The following HSD17B12 variants were observed in gnomAD, a reference collection of about 807,000 sequenced individuals.
The protein encoded by HSD17B12 is very-long-chain 3-oxoacyl-CoA reductase.
Under a neutral mutation model 39.3 loss-of-function variants are expected in HSD17B12, and 32 were observed. That is an observed-to-expected ratio of 0.81 (90% CI 0.61 to 1.09). The LOEUF (loss-of-function observed/expected upper bound fraction) is 1.09. Ranked by LOEUF, HSD17B12 falls within the 50% of genes least tolerant of loss-of-function variation. The pLI is 0.00. For synonymous variants in HSD17B12, 150 were observed against 146.7 expected (o/e 1.02, Z -0.16); for missense variants, 342 against 382.9 (o/e 0.89, Z 0.89).
the HSD17B12 span, among the ~76,000 whole-genome samples, chr11:43,578,444 C>T: frequency 6.6e-6 from 1 of 152,168 alleles, no homozygotes; most frequent in Non-Finnish European, 1.5e-5. Flanking sequence ...CTGACTGAGA[C>T]TGAATATTCA....
chr11:43,821,124 C>T (rs538403575), intron 6 of HSD17B12, among the ~76,000 whole-genome samples: 1 of 152,258 alleles, frequency 6.6e-6, no homozygotes, highest in East Asian at 1.9e-4. Context: ...ATAAGCAGTT[C>T]TTCCAGGCCA....
At chr11:43,838,830 T>C (rs1951396315) in intron 8 of HSD17B12, among the ~76,000 whole-genome samples, 1 of 152,164 alleles carries the variant, frequency 6.6e-6, no homozygotes, top group Non-Finnish European at 1.5e-5. Context: ...TGTGTAAATG[T>C]ACATAGCAGG....
At chr11:43,572,800 C>T in the HSD17B12 span, among the ~76,000 whole-genome samples, 1 of 152,176 alleles carries the variant, frequency 6.6e-6, no homozygotes, top group African/African-American at 2.4e-5. Flanking sequence ...TCCCTCTTTT[C>T]CTTAGGCCAA....
At chr11:43,610,480 T>TA in the HSD17B12 span, among the ~76,000 whole-genome samples, 60 of 152,250 alleles carry the variant, frequency 3.9e-4, no homozygotes, top group Non-Finnish European at 6.9e-4. Flanking sequence ...GGAGTCAAGG[T>TA]ACTTAGAAGG....
the HSD17B12 span, among the ~76,000 whole-genome samples, chr11:43,575,991 T>C: frequency 6.6e-6 from 1 of 152,088 alleles, no homozygotes; most frequent in Non-Finnish European, 1.5e-5. The surrounding 1 kb of genome is among the most constrained non-coding windows in gnomAD (Gnocchi z 4.1). Context: ...GGAATCTCCA[T>C]CGTGGATAGC....
chr11:43,848,793 C>T lies in HSD17B12; in HGVS notation c.685-5922C>T, dbSNP rs563690392. Among the ~76,000 whole-genome samples, 10 of 152,184 alleles carry T rather than the reference C, an allele frequency of 6.6e-5. 1 individual carries two copies. The South Asian group carries it at 2.1e-3, about 32-fold the overall frequency. The stretch of plus-strand genomic sequence containing the variant: ...TTTTTTTTTCCTGTTACCCTACCAC[C>T]TCTATTTTCACATCCCAAACTTAAT... On this transcript the variant is annotated intron_variant, in intron 9 of 10. Transcript: ENST00000278353.
intron 1 of HSD17B12, among the ~76,000 whole-genome samples, chr11:43,696,870 A>G (rs1949916685): frequency 6.6e-6 from 1 of 152,170 alleles, no homozygotes; most frequent in African/African-American, 2.4e-5. Flanking sequence ...AGGGACATGG[A>G]TGAAACTGGA....
At chr11:43,677,470 C>G (rs184721484), upstream of HSD17B12, among the ~76,000 whole-genome samples, 399 of 152,204 alleles carry the variant, frequency 2.6e-3, 1 homozygote, top group African/African-American at 9.3e-3. Context: ...ACTTTAAGTT[C>G]TAGGGTACAT....
At chr11:43,645,318 A>G in the HSD17B12 span, 1 of 152,182 alleles carries the variant, frequency 6.6e-6, no homozygotes, top group Non-Finnish European at 1.5e-5. Context: ...CCTTATTTCC[A>G]TGGTATTGTC....
At chr11:43,761,210 T>C (rs1222332254) in intron 3 of HSD17B12, among the ~76,000 whole-genome samples, 6 of 152,238 alleles carry the variant, frequency 3.9e-5, no homozygotes, top group Non-Finnish European at 5.9e-5. Context: ...TCTGTTATGG[T>C]CATGGTTACA....
the HSD17B12 span, among the ~76,000 whole-genome samples, chr11:43,651,697 C>T: frequency 2.0e-5 from 3 of 152,288 alleles, no homozygotes; most frequent in African/African-American, 4.8e-5. Flanking sequence ...TCCTGTGCTT[C>T]GGCCTCCCCA....
chr11:43,828,141 C>CTTT (rs551697407), intron 6 of HSD17B12, among the ~76,000 whole-genome samples: 18 of 131,254 alleles, frequency 1.4e-4, no homozygotes, highest in East Asian at 2.2e-4. Flanking sequence ...TTGTCTACTT[C>CTTT]TTTTTTTTTT....
chr11:43,583,688 G>A, the HSD17B12 span, among the ~76,000 whole-genome samples: 7 of 151,738 alleles, frequency 4.6e-5, no homozygotes, highest in Non-Finnish European at 8.8e-5. Context: ...AGTGGGGGGG[G>A]GTGCCTCTAT....
chr11:43,704,578 T>A (rs1045197781), intron 1 of HSD17B12, among the ~76,000 whole-genome samples: 13 of 152,214 alleles, frequency 8.5e-5, no homozygotes, highest in East Asian at 3.8e-4. Flanking sequence ...TACTGTGTAA[T>A]CATATGCTTC....
intron 6 of HSD17B12, among the ~76,000 whole-genome samples, chr11:43,826,889 G>A (rs72894465): frequency 5.3e-5 from 8 of 152,184 alleles, no homozygotes; most frequent in Admixed American, 3.3e-4. Flanking sequence ...ACCAGGCATT[G>A]TGTAACACTG....
chr11:43,640,648 T>C, the HSD17B12 span, among the ~76,000 whole-genome samples: 87 of 152,138 alleles, frequency 5.7e-4, no homozygotes, highest in African/African-American at 2.0e-3. Context: ...ATTTTTAAAA[T>C]AGATAAGGCT....
At chr11:43,641,351 TC>T in the HSD17B12 span, among the ~76,000 whole-genome samples, 6 of 152,108 alleles carry the variant, frequency 3.9e-5, no homozygotes, top group African/African-American at 1.4e-4. Flanking sequence ...AAGTTATGAT[TC>T]TGGCACAGAG....
At chr11:43,559,323 C>T in the HSD17B12 span, among the ~76,000 whole-genome samples, 3 of 152,182 alleles carry the variant, frequency 2.0e-5, no homozygotes, top group African/African-American at 7.2e-5. Flanking sequence ...TCTCTCTTTA[C>T]TCTGAGCTGT....
the HSD17B12 span, among the ~76,000 whole-genome samples, chr11:43,663,062 G>C: frequency 3.8e-4 from 2 of 5,256 alleles, no homozygotes; most frequent in East Asian, 0.05. Context: ...TTTTTTGAGA[G>C]ACAGGGTCTT....
Sources: allele counts gnomAD v4.1 joint callset (sites outside exome capture counted in the v4.1 genomes callset), GRCh38; gene constraint gnomAD v4.1.1; non-coding constraint Gnocchi (gnomAD v3.1); transcripts MANE v1.5; gene names NCBI Gene and HGNC (gene_info 2026-07-23, HGNC 2026-07-21).